NUP153: variants seen among roughly 807,000 people sequenced by gnomAD.
NUP153 encodes nucleoporin 153, also known as nuclear pore complex protein Nup153.
A neutral mutation model predicts 134.6 loss-of-function variants in NUP153; 27 were observed. The observed-to-expected ratio is 0.20, with a 90% CI of 0.15 to 0.28. The LOEUF (loss-of-function observed/expected upper bound fraction) is 0.28, where lower values mean the gene tolerates loss of function less well. NUP153 is among the 10% of genes least tolerant of loss of function. The pLI, the probability that NUP153 is intolerant of heterozygous loss-of-function variation, is 1.00. For synonymous variants in NUP153, 640 were observed against 623.5 expected, an observed-to-expected ratio of 1.03 and a Z score of -0.40; for missense variants, 1,821 against 1,731.3, an observed-to-expected ratio of 1.05 and a Z score of -0.92.
chr6:17,624,497 A>C lies in NUP153; in HGVS notation c.4174+64T>G, dbSNP rs940144124. On this transcript the variant is annotated intron_variant, in intron 20 of 21. Transcript: ENST00000262077. ...AGACATATGAATGGTTTCCAAGCTC[A>C]AAGGAAAATATTTTAAGACACACAA... The C allele has an allele frequency of 3.3e-6, 5 of 1,511,976 alleles. No homozygotes were observed. The African/African-American group carries it at 6.9e-5, about 21-fold the overall frequency. 93.7% of individuals were successfully genotyped at this position (1,511,976 alleles called of 1,614,324 possible).
Position 17,669,495 on chromosome 6 carries a change from C to G in NUP153, c.904G>C (p.Gly302Arg), listed in dbSNP as rs199769517. ...KAKQLSAQSY[G>R]VTSSTARRIL... The stretch of plus-strand genomic sequence containing the variant: ...CGCCGAGCTGTTGAACTGGTCACAC[C>G]GTAAGATTGTGCACTGAGTTGCTTA... Residue 302 changes from glycine (G) to arginine (R), a missense_variant, in exon 6 of 22, where the codon GGT (glycine) becomes CGT (arginine). Coordinates refer to ENST00000262077, the MANE Select transcript of NUP153 (RefSeq NM_005124.4). The G allele has an allele frequency of 3.1e-6, 5 of 1,613,924 alleles. No homozygotes were observed. Among genetic ancestry groups the G allele is most frequent in the African/African-American group, 1.3e-5 (1 of 74,906 alleles).
chr6:17,665,258 CTTT>C lies in NUP153; in HGVS notation c.1193_1195del (p.Gln398del). ...ACTCACACTGCACTTGTTATCTATT[CTTT>C]GATTAGTCTTCCTGAATTCACCAGA... On this transcript the variant is annotated inframe_deletion, in exon 9 of 22. Coordinates refer to ENST00000262077, the MANE Select transcript of NUP153 (RefSeq NM_005124.4). 1 of 1,606,752 alleles carries C rather than the reference CTTT, an allele frequency of 6.2e-7. No individual in the cohort carries two copies. The highest frequency in any genetic ancestry group is 1.1e-5 in the South Asian group (1 of 90,942).
intron 20 of NUP153, among the ~76,000 whole-genome samples, chr6:17,622,026 A>G (rs1251378307): frequency 1.3e-5 from 2 of 152,124 alleles, no homozygotes; most frequent in Non-Finnish European, 2.9e-5. Flanking sequence ...CTATATTTCT[A>G]TGTATGACAA....
At chr6:17,653,331 A>G (rs1287947842) in intron 11 of NUP153, among the ~76,000 whole-genome samples, 1 of 152,184 alleles carries the variant, frequency 6.6e-6, no homozygotes, top group Non-Finnish European at 1.5e-5. Context: ...ACACAATACT[A>G]TTAGTCATCA....
chr6:17,699,006 C>G (rs982375474), intron 1 of NUP153, among the ~76,000 whole-genome samples: 3 of 152,086 alleles, frequency 2.0e-5, no homozygotes, highest in East Asian at 1.9e-4. Context: ...TTAAATCACA[C>G]TAAGAAAAAG....
At chr6:17,654,365 G>A (rs1178796834) in intron 11 of NUP153, among the ~76,000 whole-genome samples, 2 of 149,978 alleles carry the variant, frequency 1.3e-5, no homozygotes, top group Non-Finnish European at 3.0e-5. Flanking sequence ...CTTGTTGCCC[G>A]GGCCGGACTG....
At position 17,680,208 on chromosome 6, in the gene NUP153, T is replaced by C. The variant is rs1023779075; in HGVS notation, c.335-4438A>G. On this transcript the variant is annotated intron_variant, in intron 2 of 21. Coordinates refer to ENST00000262077, the MANE Select transcript of NUP153 (RefSeq NM_005124.4). This position sits in a 1 kb window ranked among gnomAD's most constrained non-coding sequence, Gnocchi z 4.5. ...CTGCTTGGGTCCGTGTTAATTTCCA[T>C]TACATGGGAAACCAAAGAGCCTGTG... 6.6e-6 allele frequency among the ~76,000 whole-genome samples: 1 copy of C among 152,084 alleles called. No individual in the cohort carries two copies. The highest frequency in any genetic ancestry group is 1.5e-5 in the Non-Finnish European group (1 of 68,012).
intron 2 of NUP153, among the ~76,000 whole-genome samples, chr6:17,684,858 T>A (rs955155479): frequency 3.3e-5 from 5 of 152,212 alleles, no homozygotes; most frequent in African/African-American, 9.7e-5. Flanking sequence ...AGCCAGTTGG[T>A]GGAGCAGCTG....
chr6:17,635,004 G>T (rs150474474), intron 16 of NUP153, among the ~76,000 whole-genome samples: 2 of 148,342 alleles, frequency 1.3e-5, no homozygotes, highest in East Asian at 2.0e-4. Flanking sequence ...AATCGCAAAA[G>T]AATCTCATAA....
At chr6:17,616,270 A>C in intron 21 of NUP153, 89 bp from the exon 22 acceptor site, 4 of 327,152 alleles carry the variant, frequency 1.2e-5, no homozygotes, top group Admixed American at 7.2e-5. Context: ...CACAAGGGTA[A>C]GGGGGGTCGG....
At chr6:17,683,755 G>A (rs1327828664) in intron 2 of NUP153, among the ~76,000 whole-genome samples, 1 of 152,148 alleles carries the variant, frequency 6.6e-6, no homozygotes, top group Non-Finnish European at 1.5e-5. Context: ...TTTGATGCCA[G>A]GCATTGATGT....
At chr6:17,695,850 A>G (rs901520640) in intron 1 of NUP153, among the ~76,000 whole-genome samples, 1 of 152,104 alleles carries the variant, frequency 6.6e-6, no homozygotes, top group African/African-American at 2.4e-5. Flanking sequence ...TCTACTAAAA[A>G]TACAAAAAAT....
intron 20 of NUP153, among the ~76,000 whole-genome samples, chr6:17,620,364 G>A (rs1158861690): frequency 1.3e-5 from 2 of 152,144 alleles, no homozygotes; most frequent in African/African-American, 4.8e-5. Context: ...ACTGATTTTC[G>A]ACAATGATGA....
At chr6:17,629,996 C>T (rs1371881405) in intron 17 of NUP153, among the ~76,000 whole-genome samples, 1 of 152,156 alleles carries the variant, frequency 6.6e-6, no homozygotes. Flanking sequence ...GCAATCCAGG[C>T]AGCTATAAAC....
intron 5 of NUP153, among the ~76,000 whole-genome samples, chr6:17,670,936 G>A (rs1396022696): frequency 1.3e-5 from 2 of 151,830 alleles, no homozygotes; most frequent in Non-Finnish European, 2.9e-5. Context: ...TCAGCCTCCC[G>A]AGTAGCTGGG....
At chr6:17,663,040 T>C (rs578034465) in intron 9 of NUP153, among the ~76,000 whole-genome samples, 1 of 152,164 alleles carries the variant, frequency 6.6e-6, no homozygotes, top group Non-Finnish European at 1.5e-5. Context: ...AACATGTAAA[T>C]AGAATCTGTA....
At chr6:17,704,245 T>C (rs1770318101) in intron 1 of NUP153, among the ~76,000 whole-genome samples, 1 of 149,060 alleles carries the variant, frequency 6.7e-6, no homozygotes, top group East Asian at 2.0e-4. Flanking sequence ...TGAGCCAAGA[T>C]CGCGCCACTG....
intron 5 of NUP153, among the ~76,000 whole-genome samples, chr6:17,671,912 G>A (rs2113830182): frequency 1.3e-5 from 2 of 152,266 alleles, no homozygotes; most frequent in Middle Eastern, 3.4e-3. Context: ...GGAGGCTGAG[G>A]CAGGAAAATT....
chr6:17,697,117 A>G (rs1769705078), intron 1 of NUP153, among the ~76,000 whole-genome samples: 1 of 152,154 alleles, frequency 6.6e-6, no homozygotes, highest in Non-Finnish European at 1.5e-5. Context: ...GCCCTAAAGC[A>G]AAGTCCACAC....
Sources: allele counts gnomAD v4.1 joint callset (sites outside exome capture counted in the v4.1 genomes callset), GRCh38; gene constraint gnomAD v4.1.1; non-coding constraint Gnocchi (gnomAD v3.1); transcripts MANE v1.5; gene names NCBI Gene and HGNC (gene_info 2026-07-23, HGNC 2026-07-21).